ARL2BP: variants seen among roughly 807,000 people sequenced by gnomAD.
The protein encoded by ARL2BP is ARF like GTPase 2 binding protein, also known as ADP-ribosylation factor-like protein 2-binding protein.
ARL2BP carries 19 observed loss-of-function variants against 24.2 expected under a neutral mutation model. The ratio of observed to expected loss-of-function variants is 0.79; its 90% CI spans 0.55 to 1.15. ARL2BP has a LOEUF of 1.15. ARL2BP is among the 50% of genes most tolerant of loss of function. The pLI is 0.00. For missense variants in ARL2BP, 160 were observed against 190.4 expected (o/e 0.84, Z 0.94); for synonymous variants, 56 against 70.5 (o/e 0.79, Z 1.03).
chr16:57,249,755 C>G lies in ARL2BP; in HGVS notation c.208-12C>G. 1.2e-6 allele frequency: 2 copies of G among 1,611,832 alleles called. No homozygotes were observed. The highest frequency in any genetic ancestry group is 2.7e-5 in the African/African-American group (2 of 75,040). ...AAGTATGGTCTCACCAAAATCCTTT[C>G]CACTGTTGCAGATTTCTTTGGTAGA... On this transcript the variant is annotated splice_polypyrimidine_tract_variant and intron_variant, in intron 3 of 5. Coordinates refer to ENST00000219204, the MANE Select transcript of ARL2BP (RefSeq NM_012106.4).
At chr16:57,247,906 G>A (rs553173521) in intron 2 of ARL2BP, among the ~76,000 whole-genome samples, 3 of 152,278 alleles carry the variant, frequency 2.0e-5, no homozygotes, top group Admixed American at 2.0e-4. Context: ...GGTTAAAATG[G>A]ACTGAAGGAT....
Position 57,252,524 on chromosome 16 carries a change from A to G in ARL2BP, c.*257A>G. ...CCTCTCTCAGGAGCTTCTGAGTCAG[A>G]CGCCTCTGGAGCGAGCCCTATGTCA... On this transcript the variant is annotated 3_prime_UTR_variant, in exon 6 of 6. Transcript: ENST00000219204. 1.8e-6 allele frequency: 1 copy of G among 559,722 alleles called. No individual in the cohort carries two copies. Among genetic ancestry groups the G allele is most frequent in the South Asian group, 2.0e-5 (1 of 49,682 alleles). The allele number at this position is 559,722 out of a possible 1,614,324, so 34.7% of individuals were successfully genotyped here. A position where few individuals can be genotyped will look rare whatever the true frequency, so the allele number is the denominator to read the frequency against.
rs1334090156 is a variant in ARL2BP, at chr16:57,245,457, T to A, written c.38+52T>A. ...GACTTGGGGCCGGAGGCAGCGGGCG[T>A]TCGCCCCGGGGCCTGACCCTATAAA... On this transcript the variant is annotated intron_variant, in intron 1 of 5. Coordinates refer to ENST00000219204, the MANE Select transcript of ARL2BP (RefSeq NM_012106.4). 3 of 1,588,890 alleles carry A rather than the reference T, an allele frequency of 1.9e-6. No homozygotes were observed. In the Admixed American group the frequency reaches 5.5e-5, roughly 29 times the overall value.
At chr16:57,251,016 G>GC (rs1279705848) in intron 5 of ARL2BP, 1 of 153,756 alleles carries the variant, frequency 6.5e-6, no homozygotes, top group African/African-American at 2.4e-5. Context: ...AGCATGGTCC[G>GC]CCTCGGCCTC....
chr16:57,245,474 C>T (rs368561002), intron 1 of ARL2BP, 69 bp downstream of exon 1: 1 of 1,567,436 alleles, frequency 6.4e-7, no homozygotes, highest in Non-Finnish European at 8.7e-7. Flanking sequence ...CGGGGCCTGA[C>T]CCTATAAAAC....
At chr16:57,249,441 C>T (rs2075400673) in intron 3 of ARL2BP, 4 of 298,102 alleles carry the variant, frequency 1.3e-5, no homozygotes, top group Non-Finnish European at 1.9e-5. Context: ...ACACAGATGC[C>T]CTCTACCCAG....
At chr16:57,251,156 G>C (rs2146431350) in intron 5 of ARL2BP, 2 of 152,218 alleles carry the variant, frequency 1.3e-5, no homozygotes, top group African/African-American at 4.8e-5. Flanking sequence ...CCAGCACTTT[G>C]GGAGGCCGAG....
intron 4 of ARL2BP, 63 bp from the exon 5 acceptor site, chr16:57,250,348 G>A: frequency 5.4e-6 from 8 of 1,479,786 alleles, no homozygotes; most frequent in Admixed American, 1.7e-5. Flanking sequence ...AAAGAAAAAC[G>A]AAAGCAATCT....
Position 57,252,468 on chromosome 16 carries a change from C to A in ARL2BP, c.*201C>A. ...TGAAACACCTTCTTGTATTCATTAA[C>A]CATAGTACTCCTCCCCACCTCAAGT... On this transcript the variant is annotated 3_prime_UTR_variant, in exon 6 of 6. Coordinates refer to ENST00000219204, the MANE Select transcript of ARL2BP (RefSeq NM_012106.4). The A allele has an allele frequency of 1.1e-6, 1 of 893,958 alleles. No homozygotes were observed. The highest frequency in any genetic ancestry group is 1.7e-6 in the Non-Finnish European group (1 of 602,528). 55.4% of individuals were successfully genotyped at this position (893,958 alleles called of 1,614,324 possible).
rs372632713 is a variant in ARL2BP, at chr16:57,245,662, G to A, written c.38+257G>A. ...AGCGCCTCCATCACAATCCCCAGCC[G>A]CCAACCCTCAGCTGTCAGCAAAGCC... On this transcript the variant is annotated intron_variant, in intron 1 of 5. Transcript: ENST00000219204. Among the ~76,000 whole-genome samples the A allele has an allele frequency of 1.7e-4, 26 of 152,164 alleles. No homozygotes were observed. In the East Asian group the frequency reaches 4.3e-3, roughly 25 times the overall value.
At chr16:57,245,523 G>A (rs2075387490) in intron 1 of ARL2BP, 118 bp downstream of exon 1, 7 of 1,376,346 alleles carry the variant, frequency 5.1e-6, no homozygotes, top group Middle Eastern at 2.3e-4. Flanking sequence ...GGCCGGGCAG[G>A]GTGGGGGCCG....
intron 1 of ARL2BP, chr16:57,245,749 G>A (rs1430996335): frequency 4.0e-6 from 2 of 502,258 alleles, no homozygotes; most frequent in Non-Finnish European, 7.1e-6. Context: ...CCGGACTCCT[G>A]ACCAAATGAC....
chr16:57,252,529 T>C lies in ARL2BP; in HGVS notation c.*262T>C, dbSNP rs1227822830. 5 of 530,254 alleles carry C rather than the reference T, an allele frequency of 9.4e-6. No individual in the cohort carries two copies. Among genetic ancestry groups the C allele is most frequent in the Non-Finnish European group, 1.6e-5 (5 of 307,064 alleles). The allele number at this position is 530,254 out of a possible 1,614,324, so 32.8% of individuals were successfully genotyped here. A position where few individuals can be genotyped will look rare whatever the true frequency, so the allele number is the denominator to read the frequency against. The stretch of plus-strand genomic sequence containing the variant: ...CTCAGGAGCTTCTGAGTCAGACGCC[T>C]CTGGAGCGAGCCCTATGTCAGGCAC... On this transcript the variant is annotated 3_prime_UTR_variant, in exon 6 of 6. Transcript: ENST00000219204.
rs544590089 is a variant in ARL2BP, at chr16:57,252,846, T to A, written c.*579T>A. 6.4e-6 allele frequency: 1 copy of A among 156,106 alleles called. No homozygotes were observed. Among genetic ancestry groups the A allele is most frequent in the East Asian group, 1.9e-4 (1 of 5,222 alleles). 9.7% of individuals were successfully genotyped at this position (156,106 alleles called of 1,614,324 possible). ...TACATAAAAGCTCCATGTGAAAAGC[T>A]ACTCCTAGTCTTAACATTTGCAGTC... On this transcript the variant is annotated 3_prime_UTR_variant, in exon 6 of 6. Coordinates refer to ENST00000219204, the MANE Select transcript of ARL2BP (RefSeq NM_012106.4).
chr16:57,246,298 G>A, intron 2 of ARL2BP, 157 bp downstream of exon 2: 2 of 708,848 alleles, frequency 2.8e-6, no homozygotes, highest in Middle Eastern at 3.8e-4. Context: ...ACTGCAGTTT[G>A]TCTTAGAAAC....
At chr16:57,250,254 C>A in intron 4 of ARL2BP, 157 bp from the exon 5 acceptor site, 1 of 652,458 alleles carries the variant, frequency 1.5e-6, no homozygotes, top group Non-Finnish European at 2.7e-6. Context: ...TGCACCCCTG[C>A]ACTCCTGCCT....
In ARL2BP at chr16:57,250,420, G is replaced by A. The variant is rs775105436; in HGVS notation, c.303G>A (p.Lys101=). The change falls in exon 5 of 6, where the codon AAG becomes AAA. Residue 101 remains lysine, a synonymous_variant. Transcript: ENST00000219204. ...TCTGTTCCGTTTGCAGGCACCATAA[G>A]GATGAAGTGGCTGGTGACATATTCG... The part of the protein sequence containing the change: ...AAFTTTLQHH[K]DEVAGDIFDM... The A allele has an allele frequency of 1.9e-6, 3 of 1,614,004 alleles. No homozygotes were observed. In the African/African-American group the frequency reaches 4.0e-5, roughly 22 times the overall value.
Position 57,250,780 on chromosome 16 carries a change from TA to T in ARL2BP, c.390+274del, listed in dbSNP as rs201088218. 2,279 of 403,154 alleles carry T rather than the reference TA, an allele frequency of 5.7e-3. 2 individuals carry two copies. Among genetic ancestry groups the T allele is most frequent in the South Asian group, 0.021 (542 of 25,622 alleles). 25.0% of individuals were successfully genotyped at this position (403,154 alleles called of 1,614,324 possible). A position where few individuals can be genotyped will look rare whatever the true frequency, so the allele number is the denominator to read the frequency against. On this transcript the variant is annotated intron_variant, in intron 5 of 5. Transcript: ENST00000219204. ...CATTCTGCCTTGCCTTTCTTTTATT[TA>T]TTTTTTTTTTTGAGACAGAGTTTTG...
intron 5 of ARL2BP, 150 bp from the exon 6 acceptor site, chr16:57,252,016 A>G: frequency 1.6e-6 from 1 of 636,986 alleles, no homozygotes; most frequent in African/African-American, 1.8e-5. Flanking sequence ...AGTATTGAGC[A>G]GAAATGCAGA....
Sources: gnomAD v4.1 joint callset for allele counts (sites outside exome capture counted in the v4.1 genomes callset) on GRCh38, gnomAD v4.1.1 for gene constraint, MANE v1.5 for transcripts, NCBI Gene and HGNC (gene_info 2026-07-23, HGNC 2026-07-21) for gene names.